CAMKMT: variants seen among roughly 807,000 people sequenced by gnomAD.
CAMKMT encodes calmodulin-lysine N-methyltransferase.
A neutral mutation model predicts 48.0 loss-of-function variants in CAMKMT; 53 were observed. That is an observed-to-expected ratio of 1.10 (90% CI 0.89 to 1.39). The LOEUF (loss-of-function observed/expected upper bound fraction) is 1.39, where lower values mean the gene tolerates loss of function less well. Among genes scored for constraint, CAMKMT ranks in the 40% most tolerant of loss-of-function variants. The pLI is 0.00. For synonymous variants in CAMKMT, 165 were observed against 152.3 expected, an observed-to-expected ratio of 1.08 and a Z score of -0.61; for missense variants, 428 against 402.7, an observed-to-expected ratio of 1.06 and a Z score of -0.54.
At chr2:44,663,015 C>T (rs1674760864) in intron 3 of CAMKMT, among the ~76,000 whole-genome samples, 1 of 152,114 alleles carries the variant, frequency 6.6e-6, no homozygotes, top group African/African-American at 2.4e-5. Context: ...TTTTTCTGGA[C>T]AATTTGAGAG....
At chr2:44,512,731 G>A (rs928939184) in intron 3 of CAMKMT, among the ~76,000 whole-genome samples, 3 of 152,198 alleles carry the variant, frequency 2.0e-5, no homozygotes, top group Non-Finnish European at 2.9e-5. Context: ...AAGACATGAT[G>A]TATAGTCAAC....
At chr2:44,597,847 C>T (rs996019786) in intron 3 of CAMKMT, among the ~76,000 whole-genome samples, 10 of 152,154 alleles carry the variant, frequency 6.6e-5, no homozygotes, top group Admixed American at 2.0e-4. Flanking sequence ...AGCGATTCTC[C>T]TGCCTCAGCC....
At chr2:44,547,271 A>G (rs1385901609) in intron 3 of CAMKMT, among the ~76,000 whole-genome samples, 1 of 152,186 alleles carries the variant, frequency 6.6e-6, no homozygotes, top group Non-Finnish European at 1.5e-5. Context: ...GTAAAAGTAA[A>G]AACTGTTCTA....
intron 3 of CAMKMT, among the ~76,000 whole-genome samples, chr2:44,669,888 T>C (rs1675231188): frequency 6.6e-6 from 1 of 152,196 alleles, no homozygotes. Flanking sequence ...TCTGCTCACC[T>C]CAGCCTCCCA....
intron 3 of CAMKMT, among the ~76,000 whole-genome samples, chr2:44,451,303 G>C (rs1667275392): frequency 6.6e-6 from 1 of 152,020 alleles, no homozygotes; most frequent in African/African-American, 2.4e-5. Context: ...AGTAGACAAA[G>C]TGTTGAATAG....
chr2:44,525,150 AC>A (rs1671338577), intron 3 of CAMKMT, among the ~76,000 whole-genome samples: 2 of 152,232 alleles, frequency 1.3e-5, no homozygotes, highest in Non-Finnish European at 2.9e-5. Context: ...GTTAGATGAC[AC>A]AAAATATATA....
chr2:44,619,717 C>A (rs952945965), intron 3 of CAMKMT, among the ~76,000 whole-genome samples: 1 of 152,098 alleles, frequency 6.6e-6, no homozygotes, highest in Non-Finnish European at 1.5e-5. Context: ...GTGGTTACGT[C>A]CTTTTTGAAG....
At chr2:44,498,486 A>G (rs981731889) in intron 3 of CAMKMT, among the ~76,000 whole-genome samples, 1 of 152,216 alleles carries the variant, frequency 6.6e-6, no homozygotes, top group African/African-American at 2.4e-5. Context: ...GTATGTAGCT[A>G]AATATATTCA....
chr2:44,444,635 C>G (rs913607701), intron 3 of CAMKMT, among the ~76,000 whole-genome samples: 1 of 152,188 alleles, frequency 6.6e-6, no homozygotes, highest in African/African-American at 2.4e-5. Flanking sequence ...AAGTTATACA[C>G]ACATACATGT....
intron 3 of CAMKMT, among the ~76,000 whole-genome samples, chr2:44,563,509 A>C (rs1261872814): frequency 1.3e-5 from 2 of 149,200 alleles, no homozygotes; most frequent in African/African-American, 4.9e-5. Flanking sequence ...GTTCTAGGGT[A>C]CATGTGCACA....
At chr2:44,614,477 A>G (rs1024458761) in intron 3 of CAMKMT, among the ~76,000 whole-genome samples, 3 of 152,206 alleles carry the variant, frequency 2.0e-5, no homozygotes, top group Admixed American at 2.0e-4. Context: ...GATGCTGGAG[A>G]TACACCAGAG....
intron 3 of CAMKMT, among the ~76,000 whole-genome samples, chr2:44,577,976 A>G (rs1465509663): frequency 6.6e-6 from 1 of 152,234 alleles, no homozygotes; most frequent in Non-Finnish European, 1.5e-5. Flanking sequence ...AAAGTATAAA[A>G]GCATCTTGCT....
chr2:44,409,306 A>G (rs2104471374), intron 3 of CAMKMT, among the ~76,000 whole-genome samples: 1 of 152,036 alleles, frequency 6.6e-6, no homozygotes, highest in South Asian at 2.1e-4. Context: ...TTGGACTCCT[A>G]GAGATAATCA....
At chr2:44,368,097 T>C (rs1192404490) in intron 1 of CAMKMT, among the ~76,000 whole-genome samples, 19 of 152,250 alleles carry the variant, frequency 1.2e-4, no homozygotes, top group Admixed American at 1.2e-3. Flanking sequence ...CTTCTTCTGA[T>C]ACTTAATCTT....
At position 44,753,704 on chromosome 2, in the gene CAMKMT, T is replaced by A. The variant is rs140044901; in HGVS notation, c.699-351T>A. On this transcript the variant is annotated intron_variant, in intron 8 of 10. Transcript: ENST00000378494. ...ACCCTTGGTGGGCAGAGGGCCCAGG[T>A]CTAAGGGAGACTAGGCTCTAATGAC... Among the ~76,000 whole-genome samples, 249 of 152,238 alleles carry A rather than the reference T, an allele frequency of 1.6e-3. 4 individuals are homozygous for A. In the East Asian group the frequency reaches 0.04, roughly 24 times the overall value.
At chr2:44,601,037 A>G (rs1670955512) in intron 3 of CAMKMT, among the ~76,000 whole-genome samples, 2 of 152,166 alleles carry the variant, frequency 1.3e-5, no homozygotes, top group Admixed American at 6.5e-5. Flanking sequence ...TCATCTCCAA[A>G]TTAAGTATAA....
chr2:44,534,686 AT>A (rs1316280685), intron 3 of CAMKMT, among the ~76,000 whole-genome samples: 1 of 152,198 alleles, frequency 6.6e-6, no homozygotes, highest in Non-Finnish European at 1.5e-5. Context: ...TTAAATGAAA[AT>A]GGAAACACAA....
intron 3 of CAMKMT, among the ~76,000 whole-genome samples, chr2:44,471,262 A>G (rs1211168983): frequency 6.6e-6 from 1 of 152,108 alleles, no homozygotes; most frequent in Non-Finnish European, 1.5e-5. Context: ...AAGTGCTGGC[A>G]TTACAGGGGT....
chr2:44,543,205 A>G (rs1421644900), intron 3 of CAMKMT, among the ~76,000 whole-genome samples: 3 of 152,198 alleles, frequency 2.0e-5, no homozygotes, highest in African/African-American at 7.2e-5. Context: ...AGACCTTAAG[A>G]GAAAAGCTGA....
Sources: allele counts gnomAD v4.1 joint callset (sites outside exome capture counted in the v4.1 genomes callset), GRCh38; gene constraint gnomAD v4.1.1; transcripts MANE v1.5; gene names NCBI Gene and HGNC (gene_info 2026-07-23, HGNC 2026-07-21).